Variants in ADAMTS7 observed in about 807,000 individuals in gnomAD.
ADAMTS7 encodes ADAM metallopeptidase with thrombospondin type 1 motif 7, also known as A disintegrin and metalloproteinase with thrombospondin motifs 7.
A neutral mutation model predicts 172.6 loss-of-function variants in ADAMTS7; 89 were observed. The observed-to-expected ratio is 0.52, with a 90% CI of 0.43 to 0.61. The LOEUF is 0.61. Ranked by LOEUF, ADAMTS7 falls within the 20% of genes least tolerant of loss-of-function variation. The pLI is 0.00. For missense variants in ADAMTS7, 1,973 were observed against 2,355.6 expected (o/e 0.84, Z 3.36); for synonymous variants, 885 against 978.4 (o/e 0.90, Z 1.78).
At chr15:78,778,302 T>C (rs945376507) in intron 8 of ADAMTS7, among the ~76,000 whole-genome samples, 4 of 152,182 alleles carry the variant, frequency 2.6e-5, no homozygotes, top group Non-Finnish European at 5.9e-5. Flanking sequence ...CACAACACCA[T>C]GAGGCAGGAA....
In ADAMTS7 at chr15:78,759,433, A is replaced by G. The variant is rs1045126; in HGVS notation, c.5049T>C (p.Val1683=). Residue 1683 remains valine, a synonymous_variant, in exon 24 of 24, where the codon GTT becomes GTC. Coordinates refer to ENST00000388820, the MANE Select transcript of ADAMTS7 (RefSeq NM_014272.5). The part of the protein sequence containing the change: ...HGAPSRGHQR[V]ARR ...CATCCTGGCGCAGTCAGCGGCGGGC[A>G]ACCCGCTGATGGCCTCGGGAGGGGG... 5.0e-5 allele frequency: 80 copies of G among 1,594,122 alleles called. No homozygotes were observed. The highest frequency in any genetic ancestry group is 2.7e-4 in the East Asian group (12 of 44,652).
In ADAMTS7 at chr15:78,784,968, T is replaced by TA. The variant is rs78550763; in HGVS notation, c.1322+3262dup. Among the ~76,000 whole-genome samples the TA allele has an allele frequency of 1.8e-3, 235 of 129,644 alleles. 1 individual carries two copies. Among genetic ancestry groups the TA allele is most frequent in the East Asian group, 0.013 (61 of 4,608 alleles). The allele number at this position is 129,644 out of a possible 152,430, so 85.1% of individuals were successfully genotyped here. The stretch of plus-strand genomic sequence containing the variant: ...GAGGATGTGCTCCACCAAAACAAAT[T>TA]AAAAAAAAAAAAAAGGTACCTCCCC... On this transcript the variant is annotated intron_variant, in intron 8 of 23. Transcript: ENST00000388820.
chr15:78,776,715 C>T, intron 10 of ADAMTS7, 34 bp downstream of exon 10: 1 of 1,533,800 alleles, frequency 6.5e-7, no homozygotes, highest in East Asian at 2.5e-5. Flanking sequence ...TGGCCTCTCA[C>T]ACACCCACTG....
In ADAMTS7 at chr15:78,763,988, G is replaced by C. The variant is rs753022997; in HGVS notation, c.4531C>G (p.Pro1511Ala). Reference protein sequence around the residue: ...FHCQPGPAKPPAHRPCGAQPC... With the variant: ...FHCQPGPAKPAAHRPCGAQPC... The stretch of plus-strand genomic sequence containing the variant: ...TGGGCCCCGCAGGGCCGGTGCGCAG[G>C]CGGCTTGGCAGGCCCGGGCTGACAA... The change falls in exon 21 of 24, where the codon CCT (proline) becomes GCT (alanine). Residue 1511 changes from proline (P) to alanine (A), a missense_variant. Physicochemically the swap from Pro to Ala is conservative, Grantham distance 27. Around this residue, in one of 8 missense-constraint regions of ADAMTS7, gnomAD observed 218 missense variants for 216.9 expected, o/e 1.01. Coordinates refer to ENST00000388820, the MANE Select transcript of ADAMTS7 (RefSeq NM_014272.5). The C allele has an allele frequency of 8.4e-6, 13 of 1,545,986 alleles. No individual in the cohort carries two copies. The highest frequency in any genetic ancestry group is 9.6e-6 in the Non-Finnish European group (11 of 1,145,030).
At chr15:78,800,608 CG>C in intron 1 of ADAMTS7, 61 bp from the exon 2 acceptor site, 1 of 1,518,226 alleles carries the variant, frequency 6.6e-7, no homozygotes, top group Non-Finnish European at 8.9e-7. Flanking sequence ...TGCTGGTGGC[CG>C]GGGACCAGAA....
chr15:78,759,368 CA>C lies in ADAMTS7; in HGVS notation c.*52del. 6.6e-7 allele frequency: 1 copy of C among 1,515,472 alleles called. No individual in the cohort carries two copies. The highest frequency in any genetic ancestry group is 8.8e-7 in the Non-Finnish European group (1 of 1,133,042). 93.9% of individuals were successfully genotyped at this position (1,515,472 alleles called of 1,614,324 possible). A position where few individuals can be genotyped will look rare whatever the true frequency, so the allele number is the denominator to read the frequency against. ...GGCGCAGGGGGCGGGAGCTCCGCCA[CA>C]GCCCGTGGTGGGCACTGAGGTCTGT... On this transcript the variant is annotated 3_prime_UTR_variant, in exon 24 of 24. Coordinates refer to ENST00000388820, the MANE Select transcript of ADAMTS7 (RefSeq NM_014272.5).
chr15:78,811,323 G>T lies in ADAMTS7; in HGVS notation c.-103C>A. ...GTCCGGCTCAGGACATGCCCGGCCG[G>T]CGTGCAGCTCCCGGCGACCCGGCCC... On this transcript the variant is annotated 5_prime_UTR_variant, in exon 1 of 24. Coordinates refer to ENST00000388820, the MANE Select transcript of ADAMTS7 (RefSeq NM_014272.5). The T allele has an allele frequency of 8.3e-7, 1 of 1,199,830 alleles. No individual in the cohort carries two copies. The highest frequency in any genetic ancestry group is 1.6e-5 in the African/African-American group (1 of 63,462). The allele number at this position is 1,199,830 out of a possible 1,614,324, so 74.3% of individuals were successfully genotyped here. A position where few individuals can be genotyped will look rare whatever the true frequency, so the allele number is the denominator to read the frequency against.
Position 78,765,795 on chromosome 15 carries a change from C to T in ADAMTS7, c.4116G>A (p.Arg1372=), listed in dbSNP as rs1286077182. 1.9e-6 allele frequency: 3 copies of T among 1,604,576 alleles called. No individual in the cohort carries two copies. Among genetic ancestry groups the T allele is most frequent in the Admixed American group, 3.4e-5 (2 of 58,604 alleles). The change falls in exon 19 of 24, where the codon AGG becomes AGA. Residue 1372 remains arginine (R), a synonymous_variant. Coordinates refer to ENST00000388820, the MANE Select transcript of ADAMTS7 (RefSeq NM_014272.5). ...TGTCCCAAGCTGGTGTGGACAGCAGCCTAGAGCTCAGGGGCACCTCAGGGC... is the reference window on the plus strand; with the variant it reads ...TGTCCCAAGCTGGTGTGGACAGCAGTCTAGAGCTCAGGGGCACCTCAGGGC... ...SLSPEVPLSS[R]LLSTPAWDSP...
At chr15:78,804,349 C>G (rs2055762477) in intron 1 of ADAMTS7, among the ~76,000 whole-genome samples, 1 of 152,318 alleles carries the variant, frequency 6.6e-6, no homozygotes, top group East Asian at 1.9e-4. Context: ...GCTTTCCCCC[C>G]TCTTTTCCCT....
chr15:78,799,842 T>C lies in ADAMTS7; in HGVS notation c.456+350A>G, dbSNP rs2055694803. ...CTTTTTCTTTTTCTTTCTTTCTTTT[T>C]TTTTTTTTGAGAGTGCCTGGGGTCT... On this transcript the variant is annotated intron_variant, in intron 2 of 23. Transcript: ENST00000388820. 4.0e-5 allele frequency among the ~76,000 whole-genome samples: 6 copies of C among 151,658 alleles called. No homozygotes were observed. The South Asian group carries it at 1.0e-3, about 26-fold the overall frequency.
chr15:78,807,907 T>G (rs943394344), intron 1 of ADAMTS7, among the ~76,000 whole-genome samples: 22 of 151,406 alleles, frequency 1.5e-4, no homozygotes, highest in Non-Finnish European at 3.1e-4. Flanking sequence ...CAGGCTGGAG[T>G]GCAGTGATGC....
At position 78,798,048 on chromosome 15, in the gene ADAMTS7, C is replaced by A. The variant is rs2055670504; in HGVS notation, c.522G>T (p.Arg174=). ...CCACATGGGGCTGGGCGTGGCCAGGCCGGGCCGGGGCACTGTCCAGGGGCT... is the reference window on the plus strand; with the variant it reads ...CCACATGGGGCTGGGCGTGGCCAGGACGGGCCGGGGCACTGTCCAGGGGCT... ...FIEPLDSAPA[R]PGHAQPHVVY... is the part of the protein sequence containing the mutation. Residue 174 remains arginine, a synonymous_variant, in exon 3 of 24, where the codon CGG becomes CGT. Coordinates refer to ENST00000388820, the MANE Select transcript of ADAMTS7 (RefSeq NM_014272.5). 1.3e-6 allele frequency: 2 copies of A among 1,570,866 alleles called. No individual in the cohort carries two copies. Among genetic ancestry groups the A allele is most frequent in the Non-Finnish European group, 1.7e-6 (2 of 1,165,658 alleles).
At chr15:78,774,028 A>G in intron 13 of ADAMTS7, 139 bp downstream of exon 13, 2 of 1,363,682 alleles carry the variant, frequency 1.5e-6, no homozygotes, top group South Asian at 1.4e-5. Context: ...CCCGAGGAGG[A>G]CCAGGAGGGA....
intron 8 of ADAMTS7, 134 bp from the exon 9 acceptor site, chr15:78,777,722 CGCTCG>C: frequency 8.4e-7 from 1 of 1,195,492 alleles, no homozygotes; most frequent in South Asian, 1.5e-5. Context: ...CCAGCCTCCC[CGCTCG>C]GCTCAGCCGA....
chr15:78,774,390 G>A, intron 12 of ADAMTS7, 90 bp from the exon 13 acceptor site: 5 of 1,455,976 alleles, frequency 3.4e-6, no homozygotes, highest in Non-Finnish European at 4.6e-6. Context: ...CACATCCATG[G>A]CAGGCTGGAG....
intron 1 of ADAMTS7, among the ~76,000 whole-genome samples, chr15:78,806,125 CACAAAAAAAAAA>C (rs1255552523): frequency 6.5e-4 from 12 of 18,366 alleles, no homozygotes; most frequent in African/African-American, 1.9e-3. Flanking sequence ...CACACACACA[CACAAAAAAAAAA>C]AAAAAAAAAA....
chr15:78,783,285 T>G lies in ADAMTS7; in HGVS notation c.1322+4946A>C, dbSNP rs2055457101. Among the ~76,000 whole-genome samples the G allele has an allele frequency of 2.0e-5, 3 of 152,320 alleles. No individual in the cohort carries two copies. In the South Asian group the frequency reaches 6.2e-4, roughly 32 times the overall value. ...CCAATGCATTTTAAGAAAACTTTTT[T>G]TTGAGACAGAGTCTCTCTCTGTTGC... On this transcript the variant is annotated intron_variant, in intron 8 of 23. Coordinates refer to ENST00000388820, the MANE Select transcript of ADAMTS7 (RefSeq NM_014272.5).
At chr15:78,790,908 C>T (rs946784088) in intron 5 of ADAMTS7, 114 bp from the exon 6 acceptor site, 34 of 1,498,584 alleles carry the variant, frequency 2.3e-5, no homozygotes, top group Middle Eastern at 2.4e-4. Context: ...GTGGGAGGCC[C>T]GCAGGCACCA....
chr15:78,765,208 C>T (rs1313399275), intron 19 of ADAMTS7: 1 of 237,986 alleles, frequency 4.2e-6, no homozygotes, highest in Non-Finnish European at 8.2e-6. Flanking sequence ...GGGGCACTAG[C>T]CAGCTTCTTT....
Sources: gnomAD v4.1 joint callset for allele counts (sites outside exome capture counted in the v4.1 genomes callset) on GRCh38, gnomAD v4.1.1 for gene constraint, gnomAD v4.1.1 regional missense constraint, MANE v1.5 for transcripts, NCBI Gene and HGNC (gene_info 2026-07-23, HGNC 2026-07-21) for gene names.